Variants in TSKS observed in about 807,000 individuals in gnomAD.
TSKS encodes testis specific serine kinase substrate.
TSKS carries 27 observed loss-of-function variants against 68.0 expected under a neutral mutation model. That is an observed-to-expected ratio of 0.40 (90% CI 0.29 to 0.55). The LOEUF (loss-of-function observed/expected upper bound fraction) is 0.55, where lower values mean the gene tolerates loss of function less well. Among genes scored for constraint, TSKS ranks in the 20% least tolerant of loss-of-function variants. The pLI, the probability that TSKS is intolerant of heterozygous loss-of-function variation, is 0.53. For missense variants in TSKS, 806 were observed against 776.0 expected, an observed-to-expected ratio of 1.04 and a Z score of -0.46; for synonymous variants, 331 against 340.4, an observed-to-expected ratio of 0.97 and a Z score of 0.30.
intron 1 of TSKS, among the ~76,000 whole-genome samples, chr19:49,762,732 T>G (rs1236063678): frequency 6.6e-6 from 1 of 151,968 alleles, no homozygotes; most frequent in Non-Finnish European, 1.5e-5. Context: ...CGACCACCAC[T>G]GTCTACTTTC....
chr19:49,742,016 C>G lies in TSKS; in HGVS notation c.1366G>C (p.Gly456Arg), dbSNP rs774961116. Residue 456 changes from glycine to arginine, a missense_variant, in exon 9 of 11, where the codon GGG becomes CGG. Gly to Arg is a moderately radical substitution (Grantham distance 125). Transcript: ENST00000246801. Reference sequence around the variant, plus strand: ...AGGGACTCCGTAGACAACTGCGACCCCTGGCTGGGGGAGGGGCGGTCACCA... The same window carrying G: ...AGGGACTCCGTAGACAACTGCGACCGCTGGCTGGGGGAGGGGCGGTCACCA... ...QGNCARCASQ[G>R]SQLSTESLQQ... The G allele has an allele frequency of 6.2e-7, 1 of 1,613,968 alleles. No homozygotes were observed. Among genetic ancestry groups the G allele is most frequent in the African/African-American group, 1.3e-5 (1 of 75,042 alleles).
At chr19:49,757,699 C>G (rs997282012) in intron 2 of TSKS, among the ~76,000 whole-genome samples, 15 of 152,140 alleles carry the variant, frequency 9.9e-5, no homozygotes, top group Non-Finnish European at 1.5e-4. Context: ...GCCTGGTTCT[C>G]TGTCCCCCTC....
At chr19:49,753,765 A>C (rs949959428) in intron 2 of TSKS, among the ~76,000 whole-genome samples, 36 of 150,398 alleles carry the variant, frequency 2.4e-4, no homozygotes, top group African/African-American at 8.0e-4. Context: ...ATAATAATAA[A>C]AATAAATAAA....
intron 9 of TSKS, among the ~76,000 whole-genome samples, chr19:49,741,358 T>C (rs1283369937): frequency 6.6e-6 from 1 of 152,128 alleles, no homozygotes; most frequent in Non-Finnish European, 1.5e-5. Context: ...ATTAGGTCAA[T>C]ATCCCATAAT....
chr19:49,762,517 G>A (rs1257712024), intron 1 of TSKS, among the ~76,000 whole-genome samples: 3 of 151,478 alleles, frequency 2.0e-5, no homozygotes, highest in South Asian at 4.2e-4. Flanking sequence ...TCCGACTGCG[G>A]GTCCCAGTTC....
intron 2 of TSKS, among the ~76,000 whole-genome samples, chr19:49,752,066 T>C (rs2084355680): frequency 6.6e-6 from 1 of 151,716 alleles, no homozygotes; most frequent in African/African-American, 2.4e-5. Context: ...ACTGAGATCC[T>C]GTCTCAAAAA....
chr19:49,748,010 C>G, intron 4 of TSKS, 75 bp downstream of exon 4: 4 of 1,405,650 alleles, frequency 2.8e-6, no homozygotes, highest in South Asian at 1.2e-5. Flanking sequence ...CACCCAGCCT[C>G]CTCCCCTCTT....
At chr19:49,743,768 G>A in intron 8 of TSKS, among the ~76,000 whole-genome samples, 1 of 151,810 alleles carries the variant, frequency 6.6e-6, no homozygotes, top group African/African-American at 2.4e-5. Context: ...CCAAAGTGCT[G>A]GGATTACAGG....
At chr19:49,746,302 C>T (rs193052079) in intron 6 of TSKS, among the ~76,000 whole-genome samples, 168 bp downstream of exon 6, 139 of 151,982 alleles carry the variant, frequency 9.1e-4, no homozygotes, top group Admixed American at 1.9e-3. Flanking sequence ...AGGCTCCTCC[C>T]ATGTTCCCGC....
At chr19:49,747,204 C>T in intron 5 of TSKS, 185 bp downstream of exon 5, 1 of 1,537,352 alleles carries the variant, frequency 6.5e-7, no homozygotes, top group Non-Finnish European at 8.7e-7. Context: ...GGCAAGAGTC[C>T]CCCATCTGGG....
chr19:49,747,083 C>A (rs2084309157), intron 5 of TSKS: 39 of 1,468,178 alleles, frequency 2.7e-5, no homozygotes, highest in Non-Finnish European at 3.6e-5. Context: ...GCAAGAACAA[C>A]TGAAGCTTTC....
chr19:49,748,599 G>A, intron 2 of TSKS, 130 bp from the exon 3 acceptor site: 3 of 786,818 alleles, frequency 3.8e-6, no homozygotes, highest in Admixed American at 5.2e-5. Context: ...GTGACTTGGA[G>A]CCAAGGGCTA....
In TSKS at chr19:49,759,328, G is replaced by A. The variant is rs189306531; in HGVS notation, c.399+2676C>T. 2.4e-3 allele frequency among the ~76,000 whole-genome samples: 362 copies of A among 151,800 alleles called. 3 individuals are homozygous for A. The highest frequency in any genetic ancestry group is 8.3e-3 in the African/African-American group (344 of 41,488). On this transcript the variant is annotated intron_variant, in intron 2 of 10. Transcript: ENST00000246801. ...TACTAAAAATACAAAAATTAGCCGG[G>A]CGTGGTGGCACACACCTGTAGTCCC...
Position 49,744,354 on chromosome 19 carries a change from C to A in TSKS, c.1238G>T (p.Gly413Val), listed in dbSNP as rs780693573. 3 of 1,613,982 alleles carry A rather than the reference C, an allele frequency of 1.9e-6. No homozygotes were observed. The highest frequency in any genetic ancestry group is 2.5e-6 in the Non-Finnish European group (3 of 1,180,040). ...CAGAATGGGTTTCAGTGGGCCCAGC[C>A]CCTCCAGTTCGCTCCTCAGTGAAGC... ...SVASLRSELE[G>V]LGPLKPILEE... The change falls in exon 8 of 11, where the codon GGG (glycine) becomes GTG (valine). Residue 413 changes from glycine (G) to valine (V), a missense_variant. Physicochemically the swap from Gly to Val is moderately radical, Grantham distance 109 (BLOSUM62 -3). Coordinates refer to ENST00000246801, the MANE Select transcript of TSKS (RefSeq NM_021733.2).
intron 2 of TSKS, among the ~76,000 whole-genome samples, chr19:49,760,329 TA>T (rs1347798876): frequency 3.9e-5 from 6 of 152,020 alleles, no homozygotes; most frequent in East Asian, 3.9e-4. Context: ...TTATTGTTAT[TA>T]TTTTTTTTTT....
intron 2 of TSKS, among the ~76,000 whole-genome samples, chr19:49,756,987 G>C (rs1184749181): frequency 6.6e-6 from 1 of 152,192 alleles, no homozygotes; most frequent in Non-Finnish European, 1.5e-5. Flanking sequence ...TTGAACCTGA[G>C]AGGCACAGGC....
At chr19:49,746,405 C>G in intron 6 of TSKS, 65 bp downstream of exon 6, 2 of 1,586,952 alleles carry the variant, frequency 1.3e-6, no homozygotes, top group South Asian at 2.3e-5. Context: ...CGCATCTCCT[C>G]GAGGCTCCAC....
At chr19:49,760,655 A>G (rs761685725) in intron 2 of TSKS, among the ~76,000 whole-genome samples, 1 of 151,086 alleles carries the variant, frequency 6.6e-6, no homozygotes, top group Non-Finnish European at 1.5e-5. Context: ...TTAATCAGCC[A>G]GGTGTGTGCC....
chr19:49,746,427 C>G, intron 6 of TSKS, 43 bp downstream of exon 6: 4 of 1,608,984 alleles, frequency 2.5e-6, no homozygotes, highest in South Asian at 1.1e-5. Context: ...CCTGAGTCCC[C>G]GCCGATCTCG....
Sources: allele counts gnomAD v4.1 joint callset (sites outside exome capture counted in the v4.1 genomes callset), GRCh38; gene constraint gnomAD v4.1.1; transcripts MANE v1.5; gene names NCBI Gene and HGNC (gene_info 2026-07-23, HGNC 2026-07-21).